The following ADGRL3 variants were observed in gnomAD, a reference collection of about 807,000 sequenced individuals.
ADGRL3 encodes calcium-independent alpha-latrotoxin receptor 3.
In ADGRL3, 62 loss-of-function variants were observed where a neutral mutation model predicts 153.5. The observed-to-expected ratio is 0.40, with a 90% CI of 0.33 to 0.50. The LOEUF (loss-of-function observed/expected upper bound fraction) is 0.50. ADGRL3 is among the 20% of genes least tolerant of loss of function. ADGRL3 has a pLI of 0.47. For synonymous variants in ADGRL3, 710 were observed against 672.5 expected (o/e 1.06, Z -0.86); for missense variants, 1,641 against 1,859.4 (o/e 0.88, Z 2.16).
intron 1 of ADGRL3, among the ~76,000 whole-genome samples, chr4:61,307,843 A>T (rs1172151987): frequency 6.6e-6 from 1 of 152,202 alleles, no homozygotes; most frequent in Non-Finnish European, 1.5e-5. Context: ...TGTTGGTTGG[A>T]GGCTGAATAG....
chr4:61,813,666 T>G, intron 8 of ADGRL3, 143 bp from the exon 9 acceptor site: 2 of 809,932 alleles, frequency 2.5e-6, no homozygotes, highest in Non-Finnish European at 3.7e-6. Context: ...CACATTGTTT[T>G]TATGTTTGGG....
rs1394316408 is a variant in ADGRL3, at chr4:61,618,880, CT to C, written c.473+31441del. Among the ~76,000 whole-genome samples, 12 of 152,174 alleles carry C rather than the reference CT, an allele frequency of 7.9e-5. No homozygotes were observed. The East Asian group carries it at 2.3e-3, about 30-fold the overall frequency. On this transcript the variant is annotated intron_variant, in intron 5 of 26. Coordinates refer to ENST00000683033, the MANE Select transcript of ADGRL3 (RefSeq NM_001387552.1). ...TACAGGTGCATGCCACAATACGCAG[CT>C]AATTTTTGTGTGTTTTTTGTGGAGA...
chr4:61,697,003 G>A (rs1334241046), intron 6 of ADGRL3, among the ~76,000 whole-genome samples: 1 of 151,902 alleles, frequency 6.6e-6, no homozygotes, highest in Non-Finnish European at 1.5e-5. Context: ...ATGTGGTCAG[G>A]AACTGTATCT....
chr4:61,898,784 T>G (rs189221863), intron 11 of ADGRL3, among the ~76,000 whole-genome samples: 1,961 of 152,086 alleles, frequency 0.013, 34 homozygotes, highest in Non-Finnish European at 0.018. Context: ...ACTTGGCGAA[T>G]TTTTTGTATT....
intron 2 of ADGRL3, among the ~76,000 whole-genome samples, chr4:61,467,469 G>A (rs1404483111): frequency 1.3e-5 from 2 of 151,590 alleles, no homozygotes; most frequent in African/African-American, 4.8e-5. Context: ...TTGCATTTCA[G>A]ATGTGGGTGT....
At chr4:61,215,725 T>G (rs1742434043) in intron 1 of ADGRL3, among the ~76,000 whole-genome samples, 1 of 151,876 alleles carries the variant, frequency 6.6e-6, no homozygotes, top group Non-Finnish European at 1.5e-5. Context: ...TTTATTTTTT[T>G]GTATTTTTAA....
intron 2 of ADGRL3, among the ~76,000 whole-genome samples, chr4:61,410,893 G>T (rs2097078838): frequency 6.6e-6 from 1 of 152,178 alleles, no homozygotes; most frequent in Non-Finnish European, 1.5e-5. Context: ...GATTCCAAAA[G>T]GTCTGAATCA....
rs938925721 is a variant in ADGRL3 at position 61,200,609 on chromosome 4, C to T, written c.-1396C>T. 1.8e-4 allele frequency among the ~76,000 whole-genome samples: 27 copies of T among 152,144 alleles called. No individual in the cohort carries two copies. Among genetic ancestry groups the T allele is most frequent in the Non-Finnish European group, 3.7e-4 (25 of 68,022 alleles). The stretch of plus-strand genomic sequence containing the variant: ...CACCGCCGCCTGTGACTCGCCCCCT[C>T]CCCTTTCTTTCTTCTCTTTTTGCCT... On this transcript the variant is annotated 5_prime_UTR_variant, in exon 1 of 27. Transcript: ENST00000683033.
intron 1 of ADGRL3, among the ~76,000 whole-genome samples, chr4:61,356,342 ATCAAATGCACTG>A (rs1277315836): frequency 2.0e-5 from 3 of 152,054 alleles, no homozygotes; most frequent in African/African-American, 7.2e-5. Context: ...TTAAGGCTAC[ATCAAATGCACTG>A]TCTAGGGGTA....
chr4:61,659,353 G>T (rs1012597177), intron 5 of ADGRL3, among the ~76,000 whole-genome samples: 2 of 152,132 alleles, frequency 1.3e-5, no homozygotes, highest in Non-Finnish European at 2.9e-5. Flanking sequence ...GTGCATAGAT[G>T]CACTAAACCT....
At chr4:61,318,787 T>C (rs2150708914) in intron 1 of ADGRL3, among the ~76,000 whole-genome samples, 1 of 152,284 alleles carries the variant, frequency 6.6e-6, no homozygotes, top group African/African-American at 2.4e-5. Flanking sequence ...ATTGCAAAAA[T>C]GAAAACTTCA....
At chr4:61,919,073 T>C (rs1352353009) in intron 13 of ADGRL3, among the ~76,000 whole-genome samples, 1 of 152,192 alleles carries the variant, frequency 6.6e-6, no homozygotes, top group Non-Finnish European at 1.5e-5. Flanking sequence ...AGTCCTCTAA[T>C]GATTTGTGCG....
At chr4:62,019,943 G>A (rs2099230212) in intron 21 of ADGRL3, among the ~76,000 whole-genome samples, 1 of 152,116 alleles carries the variant, frequency 6.6e-6, no homozygotes, top group Admixed American at 6.6e-5. Context: ...GAAAACTGAG[G>A]CTTATAAAGG....
intron 9 of ADGRL3, among the ~76,000 whole-genome samples, chr4:61,838,275 G>A (rs557631870): frequency 8.5e-5 from 13 of 152,180 alleles, no homozygotes; most frequent in South Asian, 8.3e-4. Flanking sequence ...AAATCAAGAA[G>A]CCTTGTAAAC....
intron 2 of ADGRL3, among the ~76,000 whole-genome samples, chr4:61,419,682 C>T (rs2097180426): frequency 1.3e-5 from 2 of 152,192 alleles, no homozygotes; most frequent in South Asian, 4.1e-4. Context: ...TATTTGAGGA[C>T]ATGCTGTACG....
At chr4:61,206,416 CAA>C (rs1029605473) in intron 1 of ADGRL3, among the ~76,000 whole-genome samples, 11 of 152,306 alleles carry the variant, frequency 7.2e-5, no homozygotes, top group African/African-American at 2.4e-4. Flanking sequence ...TCAGTGTTTT[CAA>C]AGTGTCCTCT....
intron 5 of ADGRL3, among the ~76,000 whole-genome samples, chr4:61,594,705 C>T (rs1401091904): frequency 6.6e-6 from 1 of 152,126 alleles, no homozygotes; most frequent in Non-Finnish European, 1.5e-5. Flanking sequence ...TGTGCTGGGT[C>T]AGACCTGAAG....
intron 9 of ADGRL3, among the ~76,000 whole-genome samples, chr4:61,870,445 A>G (rs2098437034): frequency 6.6e-6 from 1 of 152,232 alleles, no homozygotes; most frequent in Non-Finnish European, 1.5e-5. Context: ...ACAGAAAAAT[A>G]AGATAAATTG....
intron 2 of ADGRL3, among the ~76,000 whole-genome samples, chr4:61,409,297 C>A (rs1051826180): frequency 2.0e-4 from 27 of 136,712 alleles, no homozygotes; most frequent in Non-Finnish European, 3.7e-4. Flanking sequence ...ATATATTAGA[C>A]ATCCATTATA....
Sources: gnomAD v4.1 joint callset for allele counts (sites outside exome capture counted in the v4.1 genomes callset) on GRCh38, gnomAD v4.1.1 for gene constraint, MANE v1.5 for transcripts, NCBI Gene and HGNC (gene_info 2026-07-23, HGNC 2026-07-21) for gene names.